The following PIK3R4 variants were observed in gnomAD, a reference collection of about 807,000 sequenced individuals.
PIK3R4 encodes phosphoinositide 3-kinase regulatory subunit 4.
A neutral mutation model predicts 136.5 loss-of-function variants in PIK3R4; 46 were observed. The ratio of observed to expected loss-of-function variants is 0.34; its 90% confidence interval spans 0.27 to 0.43. PIK3R4 has a LOEUF of 0.43. Ranked by LOEUF, PIK3R4 falls within the 20% of genes least tolerant of loss-of-function variation. The probability of loss-of-function intolerance (pLI) is 1.00; values close to 1 mark genes in which losing one functional copy is unlikely to be tolerated. For missense variants in PIK3R4, 1,331 were observed against 1,649.5 expected (o/e 0.81, Z 3.35); for synonymous variants, 557 against 566.7 (o/e 0.98, Z 0.24).
chr3:130,717,594 A>T (rs1035369604), intron 8 of PIK3R4, among the ~76,000 whole-genome samples: 5 of 152,188 alleles, frequency 3.3e-5, no homozygotes, highest in Admixed American at 1.3e-4. Context: ...GAAATGAATG[A>T]ATCTATGAAG....
At chr3:130,729,978 G>A (rs1450645941) in intron 5 of PIK3R4, among the ~76,000 whole-genome samples, 2 of 152,122 alleles carry the variant, frequency 1.3e-5, no homozygotes, top group African/African-American at 2.4e-5. Context: ...ACTCACGTAA[G>A]GAGAAAAGGT....
At position 130,726,364 on chromosome 3, in the gene PIK3R4, AT is replaced by A. The variant is rs570905093; in HGVS notation, c.1807+2098del. Among the ~76,000 whole-genome samples the A allele has an allele frequency of 2.1e-3, 315 of 152,252 alleles. 2 individuals are homozygous for A. Among genetic ancestry groups the A allele is most frequent in the Non-Finnish European group, 4.1e-3 (278 of 67,980 alleles). On this transcript the variant is annotated intron_variant, in intron 6 of 19. Transcript: ENST00000356763. ...ATACATAGCACTTACGCCAGGCACTATTACATATATTAATTCATTCTATCCC... is the reference window on the plus strand; with the variant it reads ...ATACATAGCACTTACGCCAGGCACTATACATATATTAATTCATTCTATCCC...
chr3:130,717,476 A>AT (rs998630768), intron 8 of PIK3R4, among the ~76,000 whole-genome samples: 17 of 152,036 alleles, frequency 1.1e-4, no homozygotes, highest in Admixed American at 8.5e-4. Context: ...CTAAAAAGGC[A>AT]TTTTTTTCTG....
In PIK3R4 at chr3:130,733,828, TTTA is replaced by T. The variant is rs1309165896; in HGVS notation, c.1167_1169del (p.Lys390del). 6.2e-7 allele frequency: 1 copy of T among 1,614,190 alleles called. No individual in the cohort carries two copies. Among genetic ancestry groups the T allele is most frequent in the Non-Finnish European group, 8.5e-7 (1 of 1,180,026 alleles). ...AAGCAGCTAGTTTGGAATCACAGTA[TTTA>T]AGGGTCTGTAGGCAGGATGTTATAA... is the stretch of plus-strand genomic sequence containing the variant. On this transcript the variant is annotated inframe_deletion, in exon 4 of 20. Coordinates refer to ENST00000356763, the MANE Select transcript of PIK3R4 (RefSeq NM_014602.3).
intron 9 of PIK3R4, among the ~76,000 whole-genome samples, chr3:130,713,091 G>C (rs1466766634): frequency 6.6e-6 from 1 of 152,138 alleles, no homozygotes; most frequent in Non-Finnish European, 1.5e-5. Flanking sequence ...TTTGTTTTAA[G>C]GATAGTCAAA....
At chr3:130,717,151 C>T (rs1362517421) in intron 8 of PIK3R4, among the ~76,000 whole-genome samples, 2 of 151,832 alleles carry the variant, frequency 1.3e-5, no homozygotes, top group African/African-American at 4.8e-5. Context: ...AGAAGATTAT[C>T]TTCTTTTTTT....
chr3:130,744,468 T>C lies in PIK3R4; in HGVS notation c.733+18A>G. The C allele has an allele frequency of 1.3e-6, 2 of 1,586,038 alleles. No homozygotes were observed. Among genetic ancestry groups the C allele is most frequent in the Non-Finnish European group, 8.6e-7 (1 of 1,166,422 alleles). On this transcript the variant is annotated intron_variant, in intron 2 of 19. Transcript: ENST00000356763. ...GAAAAACACATGCTCCCTTAGCAAA[T>C]GTGACCCACTCAAATACCTGCTGAA...
At chr3:130,731,440 C>A (rs1045178619) in intron 4 of PIK3R4, among the ~76,000 whole-genome samples, 1 of 152,070 alleles carries the variant, frequency 6.6e-6, no homozygotes, top group Non-Finnish European at 1.5e-5. Flanking sequence ...CAACAATGCT[C>A]TGAATAGAAT....
At chr3:130,714,190 A>G (rs1242873817) in intron 9 of PIK3R4, among the ~76,000 whole-genome samples, 1 of 152,258 alleles carries the variant, frequency 6.6e-6, no homozygotes, top group Non-Finnish European at 1.5e-5. Context: ...TATCTAACGT[A>G]CAAGCCAAGG....
rs564793604 is a variant in PIK3R4 at position 130,682,207 on chromosome 3, T to C, written c.3608-616A>G. Among the ~76,000 whole-genome samples the C allele has an allele frequency of 3.7e-4, 57 of 152,306 alleles. 1 individual carries two copies. The highest frequency in any genetic ancestry group is 3.4e-3 in the Admixed American group (52 of 15,298). ...CTTGAGACAGATTATTCTGGATTACTCAGGGGGCCCTACATGTAATCACAA... is the reference window on the plus strand; with the variant it reads ...CTTGAGACAGATTATTCTGGATTACCCAGGGGGCCCTACATGTAATCACAA... On this transcript the variant is annotated intron_variant, in intron 16 of 19. Coordinates refer to ENST00000356763, the MANE Select transcript of PIK3R4 (RefSeq NM_014602.3).
At chr3:130,728,074 GTTCACTTTTAT>G (rs2107617476) in intron 6 of PIK3R4, among the ~76,000 whole-genome samples, 2 of 151,786 alleles carry the variant, frequency 1.3e-5, no homozygotes, top group African/African-American at 4.8e-5. Flanking sequence ...AGTGATGCAT[GTTCACTTTTAT>G]TAACATGTTT....
In PIK3R4 at chr3:130,693,928, A is replaced by G. The variant is rs185807246; in HGVS notation, c.3099-3274T>C. On this transcript the variant is annotated intron_variant, in intron 13 of 19. Transcript: ENST00000356763. ...TTTTAGTTCTTACATTTAGTCTATG[A>G]TCCATTTTGAATAAGTCTACTGAAA... Among the ~76,000 whole-genome samples, 382 of 152,164 alleles carry G rather than the reference A, an allele frequency of 2.5e-3. 2 individuals are homozygous for G. Among genetic ancestry groups the G allele is most frequent in the Non-Finnish European group, 9.6e-4 (65 of 67,954 alleles).
chr3:130,714,873 G>A (rs1352817785), intron 9 of PIK3R4, among the ~76,000 whole-genome samples: 1 of 152,094 alleles, frequency 6.6e-6, no homozygotes, highest in Non-Finnish European at 1.5e-5. Context: ...TTGGTTCCAT[G>A]TCTTTGCTAT....
rs2066600813 is a variant in PIK3R4 at position 130,705,405 on chromosome 3, C to G, written c.2932+156G>C. ...AAAGATCCAACTCCACAAATAATGA[C>G]AAGATTTCTTACTTACTGCTTCTTC... On this transcript the variant is annotated intron_variant, in intron 12 of 19. Transcript: ENST00000356763. Among the ~76,000 whole-genome samples, 3 of 152,152 alleles carry G rather than the reference C, an allele frequency of 2.0e-5. No individual in the cohort carries two copies. The South Asian group carries it at 6.2e-4, about 31-fold the overall frequency.
intron 7 of PIK3R4, 31 bp from the exon 8 acceptor site, chr3:130,718,565 A>C (rs1435799426): frequency 3.1e-6 from 5 of 1,611,310 alleles, no homozygotes; most frequent in Non-Finnish European, 3.4e-6. Flanking sequence ...TAGGGATCAA[A>C]TAAGTTATTT....
intron 2 of PIK3R4, among the ~76,000 whole-genome samples, chr3:130,743,385 C>A (rs2066835245): frequency 6.6e-6 from 1 of 152,092 alleles, no homozygotes; most frequent in African/African-American, 2.4e-5. Flanking sequence ...TGGGCACCAA[C>A]CTAGGCAACA....
chr3:130,682,911 G>A (rs2066467754), intron 16 of PIK3R4, among the ~76,000 whole-genome samples: 1 of 151,946 alleles, frequency 6.6e-6, no homozygotes. Context: ...CTGAGCAGAA[G>A]AAAAAAATGG....
chr3:130,723,262 C>T, intron 7 of PIK3R4, 152 bp downstream of exon 7: 1 of 639,720 alleles, frequency 1.6e-6, no homozygotes, highest in Non-Finnish European at 2.7e-6. Context: ...AGCATGCACA[C>T]ATACACATAC....
intron 6 of PIK3R4, among the ~76,000 whole-genome samples, chr3:130,726,552 A>G (rs914431869): frequency 2.0e-5 from 3 of 152,170 alleles, no homozygotes; most frequent in East Asian, 1.9e-4. Flanking sequence ...AACGATCAGC[A>G]TATGACAGAA....
Sources: allele counts gnomAD v4.1 joint callset (sites outside exome capture counted in the v4.1 genomes callset), GRCh38; gene constraint gnomAD v4.1.1; transcripts MANE v1.5; gene names NCBI Gene and HGNC (gene_info 2026-07-23, HGNC 2026-07-21).